The following KIF26B variants were observed in gnomAD, a reference collection of about 807,000 sequenced individuals.
KIF26B encodes the protein kinesin family member 26B.
Under a neutral mutation model 151.2 loss-of-function variants are expected in KIF26B, and 63 were observed. The ratio of observed to expected loss-of-function variants is 0.42; its 90% CI spans 0.34 to 0.51. The LOEUF is 0.51. KIF26B is among the 20% of genes least tolerant of loss of function. The pLI is 0.07. For missense variants in KIF26B, 2,813 were observed against 2,913.6 expected (o/e 0.97, Z 0.79); for synonymous variants, 1,357 against 1,262.1 (o/e 1.08, Z -1.59).
At chr1:245,395,024 G>C (rs962127478) in intron 3 of KIF26B, among the ~76,000 whole-genome samples, 7 of 152,270 alleles carry the variant, frequency 4.6e-5, no homozygotes, top group African/African-American at 1.7e-4. Context: ...AAATTACTGA[G>C]TTAGAAGCAT....
intron 2 of KIF26B, among the ~76,000 whole-genome samples, chr1:245,355,607 AAAAAAGAAG>A (rs1336363415): frequency 6.7e-5 from 10 of 149,722 alleles, no homozygotes; most frequent in Admixed American, 2.0e-4. Flanking sequence ...AAAAAAAAAA[AAAAAAGAAG>A]AAGAAGAAGA....
intron 3 of KIF26B, among the ~76,000 whole-genome samples, chr1:245,396,878 C>T (rs553624016): frequency 2.6e-5 from 4 of 152,038 alleles, no homozygotes; most frequent in East Asian, 1.9e-4. Flanking sequence ...TATGCACCTC[C>T]GTGCCAGGAA....
Position 245,238,754 on chromosome 1 carries a change from C to T in KIF26B, c.465+82071C>T, listed in dbSNP as rs369751243. 8.2e-3 allele frequency among the ~76,000 whole-genome samples: 1,244 copies of T among 152,036 alleles called. 12 individuals are homozygous for T. The highest frequency in any genetic ancestry group is 0.026 in the African/African-American group (1,083 of 41,446). On this transcript the variant is annotated intron_variant, in intron 2 of 14. Transcript: ENST00000407071. Reference sequence around the variant, plus strand: ...GCAGGCGCCTGTAATCTCAGCTACTCGGGAGGCTGAGGCAGGAGAATTGCT... The same window carrying T: ...GCAGGCGCCTGTAATCTCAGCTACTTGGGAGGCTGAGGCAGGAGAATTGCT...
Position 245,564,381 on chromosome 1 carries a change from G to T in KIF26B, c.1350+23431G>T, listed in dbSNP as rs2103118717. ...CGACACGGAGACCTTTCCCGGAGCA[G>T]GAACGGGGCCACGGCCGTGTTTGCA... On this transcript the variant is annotated intron_variant, in intron 5 of 14. Transcript: ENST00000407071. This position sits in a 1 kb window ranked among gnomAD's most constrained non-coding sequence, Gnocchi z 4.6. Among the ~76,000 whole-genome samples, 1 of 152,216 alleles carries T rather than the reference G, an allele frequency of 6.6e-6. No homozygotes were observed. The highest frequency in any genetic ancestry group is 1.9e-4 in the East Asian group (1 of 5,184).
chr1:245,236,991 A>G (rs145242969), intron 2 of KIF26B, among the ~76,000 whole-genome samples: 1 of 152,352 alleles, frequency 6.6e-6, no homozygotes, highest in Non-Finnish European at 1.5e-5. Flanking sequence ...CCGATCTGGG[A>G]CTGAGTCTCT....
In KIF26B at chr1:245,571,696, C is replaced by G. The variant is rs1046153879; in HGVS notation, c.1350+30746C>G. Among the ~76,000 whole-genome samples, 3 of 152,306 alleles carry G rather than the reference C, an allele frequency of 2.0e-5. No homozygotes were observed. In the South Asian group the frequency reaches 6.2e-4, roughly 32 times the overall value. ...AAGCTGTCTGTGTAGACAGTGGATT[C>G]TGTATTGTCGCTTTTGTTTCTCAAA... On this transcript the variant is annotated intron_variant, in intron 5 of 14. Coordinates refer to ENST00000407071, the MANE Select transcript of KIF26B (RefSeq NM_018012.4).
chr1:245,693,429 T>C (rs1238648131), intron 12 of KIF26B, among the ~76,000 whole-genome samples: 1 of 152,242 alleles, frequency 6.6e-6, no homozygotes. Context: ...GATTCATTGA[T>C]GGGCTGGTTG....
At chr1:245,161,199 A>G (rs1439492845) in intron 2 of KIF26B, among the ~76,000 whole-genome samples, 1 of 152,216 alleles carries the variant, frequency 6.6e-6, no homozygotes, top group Non-Finnish European at 1.5e-5. Flanking sequence ...AAAATTTCTG[A>G]AACATTTTGG....
At chr1:245,286,520 C>T (rs931909212) in intron 2 of KIF26B, among the ~76,000 whole-genome samples, 3 of 152,028 alleles carry the variant, frequency 2.0e-5, no homozygotes, top group East Asian at 1.9e-4. Flanking sequence ...CTAGCCTGGG[C>T]GACAGAGTGA....
chr1:245,665,999 C>CTT (rs33957488), intron 10 of KIF26B, among the ~76,000 whole-genome samples: 1,832 of 107,406 alleles, frequency 0.017, 108 homozygotes, highest in African/African-American at 0.061. Context: ...ACATTATGTC[C>CTT]TTTTTTTTTT....
At chr1:245,421,991 G>T (rs1658500256) in intron 4 of KIF26B, among the ~76,000 whole-genome samples, 1 of 152,104 alleles carries the variant, frequency 6.6e-6, no homozygotes, top group Non-Finnish European at 1.5e-5. Flanking sequence ...CAAAATGTAT[G>T]GGCCAGTGAT....
chr1:245,594,008 T>A (rs1360785003), intron 5 of KIF26B, among the ~76,000 whole-genome samples: 2 of 152,230 alleles, frequency 1.3e-5, no homozygotes, highest in Non-Finnish European at 2.9e-5. Context: ...CTCCCGCTTT[T>A]TGATGGGTTT....
At chr1:245,394,688 CT>C (rs900497785) in intron 3 of KIF26B, among the ~76,000 whole-genome samples, 2,719 of 123,062 alleles carry the variant, frequency 0.022, 50 homozygotes, top group African/African-American at 0.078. Flanking sequence ...TTTTTTCTTT[CT>C]TTTTTTTTTT....
At chr1:245,632,616 G>A (rs1263677509) in intron 9 of KIF26B, among the ~76,000 whole-genome samples, 1 of 152,166 alleles carries the variant, frequency 6.6e-6, no homozygotes, top group Non-Finnish European at 1.5e-5. Flanking sequence ...AAAGCGGAGT[G>A]GTGGACCAGG....
At chr1:245,292,001 T>G (rs1671260656) in intron 2 of KIF26B, among the ~76,000 whole-genome samples, 1 of 152,130 alleles carries the variant, frequency 6.6e-6, no homozygotes, top group African/African-American at 2.4e-5. Flanking sequence ...ACTGGAAAGC[T>G]GTTGAAGGGT....
rs150571096 is a variant in KIF26B at position 245,684,745 on chromosome 1, G to A, written c.2421+350G>A. On this transcript the variant is annotated intron_variant, in intron 11 of 14. Coordinates refer to ENST00000407071, the MANE Select transcript of KIF26B (RefSeq NM_018012.4). ...TTTTCTCATGCATGGCCTCGGTCCT[G>A]CGTAGGTGGAGACTGTGTCCTTCGA... is the stretch of plus-strand genomic sequence containing the variant. Among the ~76,000 whole-genome samples the A allele has an allele frequency of 8.8e-3, 1,346 of 152,350 alleles. 30 individuals carry two copies. The highest frequency in any genetic ancestry group is 0.031 in the African/African-American group (1,271 of 41,574).
At chr1:245,494,743 A>G (rs563615820) in intron 4 of KIF26B, among the ~76,000 whole-genome samples, 1 of 152,352 alleles carries the variant, frequency 6.6e-6, no homozygotes, top group Non-Finnish European at 1.5e-5. Context: ...GGGAATTCAT[A>G]AAAAGAAACT....
intron 2 of KIF26B, among the ~76,000 whole-genome samples, chr1:245,177,152 A>G (rs1474258761): frequency 6.6e-6 from 1 of 152,068 alleles, no homozygotes; most frequent in Non-Finnish European, 1.5e-5. Context: ...ATGGGGTCTT[A>G]TTGTGTTGCC....
At chr1:245,673,570 T>G (rs554887928) in intron 10 of KIF26B, among the ~76,000 whole-genome samples, 2 of 152,312 alleles carry the variant, frequency 1.3e-5, no homozygotes, top group East Asian at 3.9e-4. Context: ...CCTGCAGATT[T>G]TTCAAAGCCC....
Sources: allele counts gnomAD v4.1 joint callset (sites outside exome capture counted in the v4.1 genomes callset), GRCh38; gene constraint gnomAD v4.1.1; non-coding constraint Gnocchi (gnomAD v3.1); transcripts MANE v1.5; gene names NCBI Gene and HGNC (gene_info 2026-07-23, HGNC 2026-07-21).